Variants in KCNQ5 observed in about 807,000 individuals in gnomAD.
KCNQ5 encodes potassium voltage-gated channel subfamily KQT member 5.
A neutral mutation model predicts 98.2 loss-of-function variants in KCNQ5; 30 were observed. That is an observed-to-expected ratio of 0.31 (90% CI 0.23 to 0.41). The LOEUF is 0.41. Among genes scored for constraint, KCNQ5 ranks in the 10% least tolerant of loss-of-function variants. KCNQ5 has a pLI of 1.00. For synonymous variants in KCNQ5, 458 were observed against 449.4 expected, an observed-to-expected ratio of 1.02 and a Z score of -0.24; for missense variants, 835 against 1,182.5, an observed-to-expected ratio of 0.71 and a Z score of 4.31.
intron 1 of KCNQ5, among the ~76,000 whole-genome samples, chr6:72,651,143 C>A (rs551072164): frequency 6.6e-6 from 1 of 152,086 alleles, no homozygotes; most frequent in Non-Finnish European, 1.5e-5. Context: ...AACATAGCTA[C>A]CCCCTTATGG....
intron 1 of KCNQ5, among the ~76,000 whole-genome samples, chr6:72,913,877 G>C (rs574476135): frequency 1.3e-5 from 2 of 152,322 alleles, no homozygotes; most frequent in African/African-American, 4.8e-5. Flanking sequence ...GGACAGTCCT[G>C]AGAAATATGA....
At chr6:72,779,844 T>C (rs1468272981) in intron 1 of KCNQ5, among the ~76,000 whole-genome samples, 2 of 123,258 alleles carry the variant, frequency 1.6e-5, no homozygotes, top group East Asian at 4.2e-4. Flanking sequence ...TGTGTGTGTG[T>C]GTGTGTGTGT....
chr6:73,082,165 A>C (rs1251795762), intron 5 of KCNQ5, among the ~76,000 whole-genome samples: 1 of 152,200 alleles, frequency 6.6e-6, no homozygotes, highest in Admixed American at 6.5e-5. Flanking sequence ...GGGAGGTAGC[A>C]GGGCAAAGCA....
chr6:72,986,969 G>A lies in KCNQ5; in HGVS notation c.399-16939G>A, dbSNP rs998484581. 38 of 802,522 alleles carry A rather than the reference G, an allele frequency of 4.7e-5. 1 individual carries two copies. In the Admixed American group the frequency reaches 7.3e-4, roughly 15 times the overall value. The allele number at this position is 802,522 out of a possible 1,614,324, so 49.7% of individuals were successfully genotyped here. A position where few individuals can be genotyped will look rare whatever the true frequency, so the allele number is the denominator to read the frequency against. ...AACGGAAGCAGAAGAGCCCCAGGGA[G>A]CACAGTGGGAAGGTGAAGAAGAAGA... On this transcript the variant is annotated intron_variant, in intron 1 of 13. Transcript: ENST00000370398.
intron 1 of KCNQ5, among the ~76,000 whole-genome samples, chr6:72,687,873 C>T (rs1768034129): frequency 7.0e-6 from 1 of 142,296 alleles, no homozygotes; most frequent in Non-Finnish European, 1.5e-5. Context: ...GAGTCTCTCT[C>T]TGTCGCCCAG....
chr6:73,195,095 G>C lies in KCNQ5; in HGVS notation c.2480G>C (p.Gly827Ala). The change falls in exon 14 of 14, where the codon GGC becomes GCC. Residue 827 changes from glycine to alanine, a missense_variant. Physicochemically the swap from Gly to Ala is moderately conservative, Grantham distance 60 (BLOSUM62 0). Coordinates refer to ENST00000370398, the MANE Select transcript of KCNQ5 (RefSeq NM_019842.4). ...SVCPMVPKDL[G>A]KSLSVQNLIR... ...TGTCCCATGGTGCCGAAGGACTTGG[G>C]CAAATCTTTGTCTGTGCAAAACCTG... The C allele has an allele frequency of 6.2e-7, 1 of 1,614,196 alleles. No homozygotes were observed. The highest frequency in any genetic ancestry group is 8.5e-7 in the Non-Finnish European group (1 of 1,180,040).
rs193280560 is a variant in KCNQ5, at chr6:72,637,901, A to G, written c.398+15314A>G. Among the ~76,000 whole-genome samples the G allele has an allele frequency of 1.6e-3, 247 of 152,320 alleles. 1 individual carries two copies. The highest frequency in any genetic ancestry group is 2.6e-3 in the Non-Finnish European group (178 of 68,034). On this transcript the variant is annotated intron_variant, in intron 1 of 13. Transcript: ENST00000370398. The stretch of plus-strand genomic sequence containing the variant: ...GGAAACAGTTTTAACAAGCTCGAAC[A>G]TTCAAATTTGCCTTCAAGTATTTTT...
At chr6:73,007,218 G>A (rs1000976723) in intron 2 of KCNQ5, among the ~76,000 whole-genome samples, 1 of 152,128 alleles carries the variant, frequency 6.6e-6, no homozygotes, top group South Asian at 2.1e-4. Flanking sequence ...ATTCTTTTCA[G>A]TTGTGGGAAC....
chr6:72,842,892 T>A (rs1303995387), intron 1 of KCNQ5, among the ~76,000 whole-genome samples: 1 of 152,222 alleles, frequency 6.6e-6, no homozygotes, highest in African/African-American at 2.4e-5. Flanking sequence ...ATTAGCCCTT[T>A]GTTAGATGGA....
intron 1 of KCNQ5, among the ~76,000 whole-genome samples, chr6:72,988,498 C>T (rs1768923603): frequency 6.6e-6 from 1 of 152,012 alleles, no homozygotes; most frequent in South Asian, 2.1e-4. Flanking sequence ...ACACTGCAGA[C>T]TACTAGAGGG....
rs1434265150 is a variant in KCNQ5 at position 72,802,813 on chromosome 6, AC to A, written c.398+180227del. ...GACCCCAACTGCAGCCGAGACAATT[AC>A]ACTGCATTCTGGTCTTACTAGAGCT... On this transcript the variant is annotated intron_variant, in intron 1 of 13. Coordinates refer to ENST00000370398, the MANE Select transcript of KCNQ5 (RefSeq NM_019842.4). Among the ~76,000 whole-genome samples, 8 of 152,298 alleles carry A rather than the reference AC, an allele frequency of 5.3e-5. 1 individual carries two copies. Among genetic ancestry groups the A allele is most frequent in the African/African-American group, 1.7e-4 (7 of 41,570 alleles).
chr6:73,142,553 C>G (rs1562203748), intron 10 of KCNQ5, among the ~76,000 whole-genome samples: 2 of 151,586 alleles, frequency 1.3e-5, no homozygotes, highest in South Asian at 2.1e-4. Context: ...ATATTCCACT[C>G]TTAGTGCAGA....
At chr6:72,948,635 C>CA (rs544412188) in intron 1 of KCNQ5, among the ~76,000 whole-genome samples, 14 of 151,966 alleles carry the variant, frequency 9.2e-5, no homozygotes, top group African/African-American at 2.9e-4. Flanking sequence ...TTTATATTTT[C>CA]AAAAAAATTT....
At chr6:72,630,517 A>T (rs559447612) in intron 1 of KCNQ5, 8 of 152,224 alleles carry the variant, frequency 5.3e-5, no homozygotes, top group South Asian at 2.1e-4. Flanking sequence ...AACGATGTGG[A>T]CCTGACCTCA....
chr6:72,643,075 A>G (rs986675130), intron 1 of KCNQ5, among the ~76,000 whole-genome samples: 13 of 152,176 alleles, frequency 8.5e-5, no homozygotes, highest in African/African-American at 3.1e-4. Context: ...ACGTGGATGC[A>G]AAGAAGGGAA....
At chr6:72,773,614 A>G (rs529793049) in intron 1 of KCNQ5, among the ~76,000 whole-genome samples, 1 of 152,278 alleles carries the variant, frequency 6.6e-6, no homozygotes, top group East Asian at 1.9e-4. Context: ...AAAAATAAAT[A>G]AACAAAGGTA....
intron 3 of KCNQ5, among the ~76,000 whole-genome samples, chr6:73,047,057 C>T (rs1373947479): frequency 6.6e-6 from 1 of 152,202 alleles, no homozygotes; most frequent in Non-Finnish European, 1.5e-5. Flanking sequence ...ATTTATTTCT[C>T]ATGATTTCAC....
chr6:72,955,238 T>G (rs1177220162), intron 1 of KCNQ5, among the ~76,000 whole-genome samples: 1 of 152,276 alleles, frequency 6.6e-6, no homozygotes, highest in East Asian at 1.9e-4. Context: ...TTCTTATCAT[T>G]GTGTAGTCTG....
At chr6:72,762,006 G>T (rs1396370933) in intron 1 of KCNQ5, among the ~76,000 whole-genome samples, 1 of 151,956 alleles carries the variant, frequency 6.6e-6, no homozygotes, top group Non-Finnish European at 1.5e-5. Flanking sequence ...AAAAAGCTGT[G>T]GGTCTCACAG....
Sources: gnomAD v4.1 joint callset for allele counts (sites outside exome capture counted in the v4.1 genomes callset) on GRCh38, gnomAD v4.1.1 for gene constraint, MANE v1.5 for transcripts, NCBI Gene and HGNC (gene_info 2026-07-23, HGNC 2026-07-21) for gene names.